The following PLEKHA5 variants were observed in gnomAD, a reference collection of about 807,000 sequenced individuals.
PLEKHA5 encodes pleckstrin homology domain containing A5.
A neutral mutation model predicts 181.9 loss-of-function variants in PLEKHA5; 55 were observed. The observed-to-expected ratio is 0.30, with a 90% CI of 0.24 to 0.38. The LOEUF (loss-of-function observed/expected upper bound fraction) is 0.38, where lower values mean the gene tolerates loss of function less well. Ranked by LOEUF, PLEKHA5 falls within the 10% of genes least tolerant of loss-of-function variation. The pLI is 1.00. For synonymous variants in PLEKHA5, 535 were observed against 529.4 expected (o/e 1.01, Z -0.15); for missense variants, 1,432 against 1,549.5 (o/e 0.92, Z 1.27).
chr12:19,172,571 C>CA (rs1455676752), intron 3 of PLEKHA5, among the ~76,000 whole-genome samples: 1 of 152,150 alleles, frequency 6.6e-6, no homozygotes, highest in Non-Finnish European at 1.5e-5. Flanking sequence ...AAATTAAAAT[C>CA]ACAGTTATAT....
At chr12:19,283,095 C>T (rs1267175381) in intron 11 of PLEKHA5, among the ~76,000 whole-genome samples, 185 bp from the exon 12 acceptor site, 1 of 125,512 alleles carries the variant, frequency 8.0e-6, no homozygotes, top group East Asian at 2.3e-4. Context: ...TGCAGTGAGC[C>T]GAGATCACGC....
intron 3 of PLEKHA5, among the ~76,000 whole-genome samples, chr12:19,179,755 T>C (rs2048128466): frequency 6.6e-6 from 1 of 152,216 alleles, no homozygotes; most frequent in South Asian, 2.1e-4. Context: ...GTGGGTTTAT[T>C]GCAGTAATTA....
intron 3 of PLEKHA5, among the ~76,000 whole-genome samples, chr12:19,166,085 G>T (rs2044301273): frequency 2.6e-5 from 2 of 77,540 alleles, no homozygotes; most frequent in Admixed American, 2.4e-4. Flanking sequence ...TGGCAGAGTT[G>T]GGATCTGGCT....
At chr12:19,267,952 C>G (rs1440124390) in intron 8 of PLEKHA5, among the ~76,000 whole-genome samples, 1 of 151,572 alleles carries the variant, frequency 6.6e-6, no homozygotes, top group African/African-American at 2.4e-5. Flanking sequence ...AAGAGCGAAA[C>G]TCTGGCTCAA....
At chr12:19,160,817 A>G (rs2042800802) in intron 3 of PLEKHA5, among the ~76,000 whole-genome samples, 1 of 152,100 alleles carries the variant, frequency 6.6e-6, no homozygotes, top group Non-Finnish European at 1.5e-5. Flanking sequence ...ACATTTTAAT[A>G]TTAAATTTTA....
chr12:19,262,939 C>T (rs972961546), intron 7 of PLEKHA5, among the ~76,000 whole-genome samples: 4 of 152,172 alleles, frequency 2.6e-5, no homozygotes, highest in African/African-American at 9.7e-5. Context: ...TTATTAACCA[C>T]CTGCATTTTA....
chr12:19,210,200 G>C (rs143890687), intron 3 of PLEKHA5, among the ~76,000 whole-genome samples: 5 of 152,140 alleles, frequency 3.3e-5, no homozygotes, highest in Non-Finnish European at 5.9e-5. Context: ...TTTTGTTAAG[G>C]ATTAGTTTAT....
At chr12:19,265,687 C>G (rs1336439001) in intron 7 of PLEKHA5, 63 bp from the exon 8 acceptor site, 2 of 924,336 alleles carry the variant, frequency 2.2e-6, no homozygotes, top group Non-Finnish European at 3.5e-6. Context: ...AAAAATAGAT[C>G]TTGAAAAACT....
At chr12:19,263,057 C>CTGCA (rs2069014981) in intron 7 of PLEKHA5, among the ~76,000 whole-genome samples, 1 of 152,182 alleles carries the variant, frequency 6.6e-6, no homozygotes, top group Non-Finnish European at 1.5e-5. Context: ...GATGACTGCT[C>CTGCA]TGCAGGCTGT....
intron 3 of PLEKHA5, among the ~76,000 whole-genome samples, chr12:19,249,799 A>G (rs528899633): frequency 1.8e-4 from 28 of 152,330 alleles, no homozygotes; most frequent in African/African-American, 6.3e-4. Context: ...GTCTGATTTC[A>G]GAAACTGTGC....
chr12:19,348,316 G>T, intron 24 of PLEKHA5, 83 bp from the exon 25 acceptor site: 2 of 1,028,620 alleles, frequency 1.9e-6, no homozygotes, highest in Non-Finnish European at 1.4e-6. Context: ...AATGTTTAGA[G>T]TTTGATTTGT....
At chr12:19,162,454 T>G (rs547551320) in intron 3 of PLEKHA5, among the ~76,000 whole-genome samples, 1 of 152,298 alleles carries the variant, frequency 6.6e-6, no homozygotes, top group South Asian at 2.1e-4. Flanking sequence ...TAATTTTAGA[T>G]ATTCTCTATT....
At chr12:19,289,797 CT>C (rs2078007393) in intron 13 of PLEKHA5, among the ~76,000 whole-genome samples, 2 of 151,886 alleles carry the variant, frequency 1.3e-5, no homozygotes, top group African/African-American at 4.8e-5. Context: ...TAAAACTGAT[CT>C]TTTGGTCATA....
At chr12:19,351,776 T>C (rs892030376) in intron 25 of PLEKHA5, among the ~76,000 whole-genome samples, 1 of 152,016 alleles carries the variant, frequency 6.6e-6, no homozygotes, top group African/African-American at 2.4e-5. Flanking sequence ...ATGCTTCACT[T>C]AAAAAGACTG....
At chr12:19,366,794 G>T (rs2095434959) in intron 30 of PLEKHA5, among the ~76,000 whole-genome samples, 1 of 152,140 alleles carries the variant, frequency 6.6e-6, no homozygotes, top group African/African-American at 2.4e-5. Flanking sequence ...GTTTACTCCA[G>T]CATTGCTATA....
At chr12:19,261,868 A>C (rs920399528) in intron 7 of PLEKHA5, among the ~76,000 whole-genome samples, 2 of 152,188 alleles carry the variant, frequency 1.3e-5, no homozygotes, top group African/African-American at 4.8e-5. Flanking sequence ...TTGTGTATTG[A>C]AGCATTGTAA....
intron 20 of PLEKHA5, among the ~76,000 whole-genome samples, chr12:19,326,267 G>A (rs1271594628): frequency 1.3e-5 from 2 of 152,152 alleles, no homozygotes; most frequent in African/African-American, 2.4e-5. Flanking sequence ...GCTTAAGGCT[G>A]CAAATGTTAG....
intron 6 of PLEKHA5, among the ~76,000 whole-genome samples, chr12:19,258,561 C>CTTTTTTTTTTTTTTTTTTTTTT (rs71440398): frequency 8.1e-6 from 1 of 123,798 alleles, no homozygotes; most frequent in East Asian, 2.3e-4. Context: ...TTTTCTTTTT[C>CTTTTTTTTTTTTTTTTTTTTTT]TTTTTTTTTT....
rs918662127 is a variant in PLEKHA5, at chr12:19,376,221, C to G, written c.*702C>G. The G allele has an allele frequency of 2.0e-5, 3 of 151,648 alleles. No individual in the cohort carries two copies. In the Admixed American group the frequency reaches 2.0e-4, roughly 10 times the overall value. 9.4% of individuals were successfully genotyped at this position (151,648 alleles called of 1,614,324 possible). A position where few individuals can be genotyped will look rare whatever the true frequency, so the allele number is the denominator to read the frequency against. On this transcript the variant is annotated 3_prime_UTR_variant, in exon 32 of 32. Transcript: ENST00000429027. ...ATTTCATTGGAATACATGTGTACAG[C>G]AATAAGCAGGTTTCCAAATCCGGTA...
Sources: gnomAD v4.1 joint callset for allele counts (sites outside exome capture counted in the v4.1 genomes callset) on GRCh38, gnomAD v4.1.1 for gene constraint, MANE v1.5 for transcripts, NCBI Gene and HGNC (gene_info 2026-07-23, HGNC 2026-07-21) for gene names.